PDCL3: variants seen among roughly 807,000 people sequenced by gnomAD.
PDCL3 encodes the protein phosducin-like protein 3.
A neutral mutation model predicts 26.5 loss-of-function variants in PDCL3; 22 were observed. The ratio of observed to expected loss-of-function variants is 0.83; its 90% CI spans 0.59 to 1.19. PDCL3 has a LOEUF of 1.19. Among genes scored for constraint, PDCL3 ranks in the 50% most tolerant of loss-of-function variants. The probability of loss-of-function intolerance (pLI) is 0.00; values close to 1 mark genes in which losing one functional copy is unlikely to be tolerated. For synonymous variants in PDCL3, 81 were observed against 104.9 expected, an observed-to-expected ratio of 0.77 and a Z score of 1.39; for missense variants, 246 against 294.1, an observed-to-expected ratio of 0.84 and a Z score of 1.20.
chr2:100,569,655 A>G lies in PDCL3; in HGVS notation c.302A>G (p.Asp101Gly). The G allele has an allele frequency of 6.2e-7, 1 of 1,614,126 alleles. No homozygotes were observed. Among genetic ancestry groups the G allele is most frequent in the Non-Finnish European group, 8.5e-7 (1 of 1,180,004 alleles). ...FGEVLEISGKDYVQEVTKAGE... is the reference protein window; with the variant it reads ...FGEVLEISGKGYVQEVTKAGE... ...GAAGTTTTGGAGATCTCAGGGAAGG[A>G]TTATGTTCAAGAAGTTACCAAAGCT... Residue 101 changes from aspartate (D) to glycine (G), a missense_variant, in exon 4 of 6, where the codon GAT (aspartate) becomes GGT (glycine). By Grantham distance (94) the Asp-to-Gly change is moderately conservative. Transcript: ENST00000264254.
chr2:100,569,497 C>G, intron 3 of PDCL3, 81 bp from the exon 4 acceptor site: 1 of 1,482,664 alleles, frequency 6.7e-7, no homozygotes, highest in Non-Finnish European at 9.0e-7. Flanking sequence ...TAAACCTGGG[C>G]TTTTACAAGG....
At chr2:100,573,644 G>A (rs369795003) in intron 5 of PDCL3, among the ~76,000 whole-genome samples, 24 of 148,332 alleles carry the variant, frequency 1.6e-4, no homozygotes, top group African/African-American at 5.3e-4. Context: ...TTGCACTCCA[G>A]CCTGGGTAAC....
chr2:100,575,205 G>A (rs901963729), intron 5 of PDCL3, among the ~76,000 whole-genome samples: 3 of 152,226 alleles, frequency 2.0e-5, no homozygotes, highest in Non-Finnish European at 4.4e-5. Context: ...GCGCGATCTC[G>A]GCTCACTGCA....
chr2:100,573,501 C>G (rs1375672808), intron 5 of PDCL3, among the ~76,000 whole-genome samples: 1 of 151,762 alleles, frequency 6.6e-6, no homozygotes, highest in Non-Finnish European at 1.5e-5. Flanking sequence ...TAGTGAAACC[C>G]TGTCTCTACT....
At chr2:100,572,635 A>C (rs917058748) in intron 5 of PDCL3, among the ~76,000 whole-genome samples, 1 of 152,102 alleles carries the variant, frequency 6.6e-6, no homozygotes, top group South Asian at 2.1e-4. Context: ...CTCCTGCCTC[A>C]GCCTCCCTAG....
At position 100,571,740 on chromosome 2, in the gene PDCL3, T is replaced by C; in HGVS notation, c.519T>C (p.Asp173=). The change falls in exon 5 of 6, where the codon GAT becomes GAC. Residue 173 remains aspartate, a synonymous_variant. Coordinates refer to ENST00000264254, the MANE Select transcript of PDCL3 (RefSeq NM_024065.5). The stretch of plus-strand genomic sequence containing the variant: ...CGATATTTGTTTACCTGGAAGGAGA[T>C]ATCAAGGCTCAGTTTATTGGTCCTC... ...LPTIFVYLEG[D]IKAQFIGPLV... The C allele has an allele frequency of 6.2e-7, 1 of 1,614,094 alleles. No homozygotes were observed. The highest frequency in any genetic ancestry group is 8.5e-7 in the Non-Finnish European group (1 of 1,180,044).
chr2:100,564,954 C>G (rs553966893), intron 1 of PDCL3, among the ~76,000 whole-genome samples: 49 of 152,222 alleles, frequency 3.2e-4, no homozygotes, highest in Non-Finnish European at 6.2e-4. Context: ...TTATGAGCTA[C>G]TCTGAGACGT....
rs200273541 is a variant in PDCL3, at chr2:100,576,448, G to C, written c.672G>C (p.Val224=). The change falls in exon 6 of 6, where the codon GTG becomes GTC. Residue 224 remains valine, a synonymous_variant. Coordinates refer to ENST00000264254, the MANE Select transcript of PDCL3 (RefSeq NM_024065.5). ...TTGAAGACGTGTTGCTGTCCTCAGT[G>C]CGGCGCTCTGTCCTCATGAAGAGGG... The part of the protein sequence containing the change: ...KPIEDVLLSS[V]RRSVLMKRDS... 1.4e-5 allele frequency: 23 copies of C among 1,613,904 alleles called. No homozygotes were observed. In the African/African-American group the frequency reaches 3.1e-4, roughly 22 times the overall value.
chr2:100,575,577 A>C (rs1372639259), intron 5 of PDCL3, among the ~76,000 whole-genome samples: 1 of 152,192 alleles, frequency 6.6e-6, no homozygotes, highest in East Asian at 1.9e-4. Flanking sequence ...CAAATACATC[A>C]CTTGATTTTG....
chr2:100,571,246 A>C (rs1675163967), intron 4 of PDCL3, among the ~76,000 whole-genome samples: 1 of 151,580 alleles, frequency 6.6e-6, no homozygotes, highest in Admixed American at 6.6e-5. Context: ...ATGGGGTTTC[A>C]CCATCTTGGC....
chr2:100,563,064 C>T lies in PDCL3; in HGVS notation c.-4C>T, dbSNP rs188546477. On this transcript the variant is annotated 5_prime_UTR_variant, in exon 1 of 6. Coordinates refer to ENST00000264254, the MANE Select transcript of PDCL3 (RefSeq NM_024065.5). ...CTGGTTTGAGCAACTGAACTGGAAA[C>T]AAGATGCAGGTGAGCTAGGACGGGT... 1.9e-6 allele frequency: 3 copies of T among 1,604,978 alleles called. No individual in the cohort carries two copies. The highest frequency in any genetic ancestry group is 1.1e-5 in the South Asian group (1 of 89,048).
chr2:100,571,480 T>C, intron 4 of PDCL3, 110 bp from the exon 5 acceptor site: 6 of 956,856 alleles, frequency 6.3e-6, no homozygotes, highest in Non-Finnish European at 7.9e-6. Flanking sequence ...AGCAGCAGAA[T>C]TACTTGTGAA....
At chr2:100,564,351 C>T (rs1325517692) in intron 1 of PDCL3, among the ~76,000 whole-genome samples, 1 of 151,950 alleles carries the variant, frequency 6.6e-6, no homozygotes, top group East Asian at 1.9e-4. Context: ...GGCTGGAGTG[C>T]AGTGGCGCGA....
chr2:100,571,820 C>G (rs533013998), intron 5 of PDCL3, 22 bp downstream of exon 5: 2 of 1,611,258 alleles, frequency 1.2e-6, no homozygotes, highest in Admixed American at 3.3e-5. Context: ...GGGAGACAGG[C>G]GGGGCAGTGA....
At chr2:100,565,960 G>A (rs1675051616) in intron 1 of PDCL3, among the ~76,000 whole-genome samples, 1 of 152,188 alleles carries the variant, frequency 6.6e-6, no homozygotes, top group Non-Finnish European at 1.5e-5. Context: ...CTGGAGTGCA[G>A]TGGCACGATC....
intron 1 of PDCL3, 119 bp from the exon 2 acceptor site, chr2:100,566,383 GT>G: frequency 7.8e-7 from 1 of 1,285,582 alleles, no homozygotes; most frequent in Non-Finnish European, 1.1e-6. Flanking sequence ...CTCAGAAATA[GT>G]TCACAGACTG....
intron 4 of PDCL3, among the ~76,000 whole-genome samples, 194 bp downstream of exon 4, chr2:100,569,915 G>A (rs1675134305): frequency 6.6e-6 from 1 of 152,076 alleles, no homozygotes; most frequent in African/African-American, 2.4e-5. Context: ...GACCATCCTG[G>A]CTGACACGAT....
rs190700119 is a variant in PDCL3 at position 100,568,371 on chromosome 2, G to A, written c.134-560G>A. 8.0e-5 allele frequency among the ~76,000 whole-genome samples: 10 copies of A among 124,566 alleles called. No homozygotes were observed. In the East Asian group the frequency reaches 3.7e-3, roughly 46 times the overall value. 81.7% of individuals were successfully genotyped at this position (124,566 alleles called of 152,430 possible). On this transcript the variant is annotated intron_variant, in intron 2 of 5. Transcript: ENST00000264254. ...AAAGGGTTCAACAGTAGGGCGGCTG[G>A]CTCACTCCTGTAATCCCAGCACTTT...
At chr2:100,563,195 C>G (rs1476142312) in intron 1 of PDCL3, 122 bp downstream of exon 1, 3 of 1,295,414 alleles carry the variant, frequency 2.3e-6, no homozygotes, top group Admixed American at 2.8e-5. Context: ...GAGGGAGGCC[C>G]GGCGCGTCCA....
Sources: allele counts gnomAD v4.1 joint callset (sites outside exome capture counted in the v4.1 genomes callset), GRCh38; gene constraint gnomAD v4.1.1; transcripts MANE v1.5; gene names NCBI Gene and HGNC (gene_info 2026-07-23, HGNC 2026-07-21).